ASAP2: variants seen among roughly 807,000 people sequenced by gnomAD.
The protein encoded by ASAP2 is arf-GAP with SH3 domain, ANK repeat and PH domain-containing protein 2.
Under a neutral mutation model 131.4 loss-of-function variants are expected in ASAP2, and 45 were observed. That is an observed-to-expected ratio of 0.34 (90% CI 0.27 to 0.44). The LOEUF (loss-of-function observed/expected upper bound fraction) is 0.44, where lower values mean the gene tolerates loss of function less well. Among genes scored for constraint, ASAP2 ranks in the 20% least tolerant of loss-of-function variants. ASAP2 has a pLI of 1.00. For missense variants in ASAP2, 1,011 were observed against 1,297.0 expected, an observed-to-expected ratio of 0.78 and a Z score of 3.39; for synonymous variants, 510 against 503.0, an observed-to-expected ratio of 1.01 and a Z score of -0.19.
intron 1 of ASAP2, among the ~76,000 whole-genome samples, chr2:9,237,231 C>T (rs1663616330): frequency 6.6e-6 from 1 of 152,058 alleles, no homozygotes; most frequent in South Asian, 2.1e-4. Context: ...TGCTTTCTGA[C>T]TTTTGCTTTT....
intron 4 of ASAP2, among the ~76,000 whole-genome samples, chr2:9,319,489 C>T (rs939965864): frequency 6.6e-6 from 1 of 152,152 alleles, no homozygotes; most frequent in Non-Finnish European, 1.5e-5. Flanking sequence ...AACTCACGGG[C>T]GGGAAGGCAT....
chr2:9,322,793 G>A (rs1057240800), intron 5 of ASAP2, among the ~76,000 whole-genome samples: 3 of 152,142 alleles, frequency 2.0e-5, no homozygotes, highest in African/African-American at 4.8e-5. Flanking sequence ...AGAGTCAGAC[G>A]GTGCCCTTGG....
intron 20 of ASAP2, among the ~76,000 whole-genome samples, chr2:9,383,379 C>T (rs373050910): frequency 1.3e-5 from 2 of 152,084 alleles, no homozygotes; most frequent in Non-Finnish European, 2.9e-5. Context: ...CTCAGCCTCC[C>T]GAGTAGCTGA....
chr2:9,309,247 C>CT (rs1669138945), intron 3 of ASAP2, among the ~76,000 whole-genome samples: 1 of 152,210 alleles, frequency 6.6e-6, no homozygotes, highest in African/African-American at 2.4e-5. Flanking sequence ...AGGTGTCTGG[C>CT]TAGACGGCAG....
At chr2:9,210,992 C>G (rs1187192807) in intron 1 of ASAP2, among the ~76,000 whole-genome samples, 1 of 151,944 alleles carries the variant, frequency 6.6e-6, no homozygotes, top group Non-Finnish European at 1.5e-5. Flanking sequence ...CCTGTCTCTA[C>G]TAAAAATACA....
intron 24 of ASAP2, 35 bp downstream of exon 24, chr2:9,393,682 T>C (rs754538805): frequency 6.5e-7 from 1 of 1,538,620 alleles, no homozygotes; most frequent in South Asian, 1.2e-5. Flanking sequence ...CCATCCGTGC[T>C]CCTGCCCTCT....
chr2:9,251,894 A>C (rs1348117305), intron 1 of ASAP2, among the ~76,000 whole-genome samples: 1 of 152,026 alleles, frequency 6.6e-6, no homozygotes, highest in Non-Finnish European at 1.5e-5. Flanking sequence ...GAGCTTTAGG[A>C]ATGAGAAGCC....
At chr2:9,212,611 C>A (rs1661654797) in intron 1 of ASAP2, among the ~76,000 whole-genome samples, 1 of 152,172 alleles carries the variant, frequency 6.6e-6, no homozygotes, top group South Asian at 2.1e-4. Flanking sequence ...TCTTCCCATG[C>A]ACCCCACGTT....
chr2:9,344,713 C>G lies in ASAP2; in HGVS notation c.954-18C>G. On this transcript the variant is annotated intron_variant, in intron 10 of 27. Transcript: ENST00000281419. ...CAAAATGTCTAAACTCTTATTGTTT[C>G]TCCCACTTATCCACAAGGATCCGAA... 6.2e-7 allele frequency: 1 copy of G among 1,613,952 alleles called. No individual in the cohort carries two copies. The highest frequency in any genetic ancestry group is 8.5e-7 in the Non-Finnish European group (1 of 1,179,808).
At chr2:9,248,283 A>T (rs1425593180) in intron 1 of ASAP2, among the ~76,000 whole-genome samples, 1 of 152,170 alleles carries the variant, frequency 6.6e-6, no homozygotes, top group Non-Finnish European at 1.5e-5. Context: ...AAGCCAAATT[A>T]TATTCAGCAT....
intron 9 of ASAP2, 121 bp downstream of exon 9, chr2:9,335,300 C>T: frequency 1.3e-6 from 1 of 773,282 alleles, no homozygotes; most frequent in Non-Finnish European, 2.2e-6. Context: ...GTGTCAGGCA[C>T]CAGTAAAACA....
intron 16 of ASAP2, among the ~76,000 whole-genome samples, 170 bp downstream of exon 16, chr2:9,368,689 T>G (rs541974255): frequency 6.6e-6 from 1 of 152,286 alleles, no homozygotes; most frequent in East Asian, 1.9e-4. Context: ...GGTGACCAAA[T>G]AGAAATTTTT....
chr2:9,403,183 T>C (rs995255725), intron 27 of ASAP2, 70 bp from the exon 28 acceptor site: 6 of 1,376,762 alleles, frequency 4.4e-6, no homozygotes, highest in East Asian at 2.3e-5. Context: ...AAACGCTCTA[T>C]GTAATGCTCT....
In ASAP2 at chr2:9,385,240, C is replaced by G. The variant is rs755064390; in HGVS notation, c.2017-5C>G. 6.2e-7 allele frequency: 1 copy of G among 1,608,052 alleles called. No individual in the cohort carries two copies. Among genetic ancestry groups the G allele is most frequent in the South Asian group, 1.1e-5 (1 of 90,912 alleles). On this transcript the variant is annotated splice_region_variant and splice_polypyrimidine_tract_variant and intron_variant, in intron 20 of 27. Transcript: ENST00000281419. ...ACAGCACTGACCATCCCTCTGTTCT[C>G]TCAGCTGACCCAAGCCTTATCTGGA...
chr2:9,351,622 C>T (rs772299268), intron 12 of ASAP2, among the ~76,000 whole-genome samples: 2 of 152,196 alleles, frequency 1.3e-5, no homozygotes, highest in Non-Finnish European at 2.9e-5. Context: ...CAGAGGACCA[C>T]GCCGGACTGT....
At chr2:9,335,687 C>T (rs938891933) in intron 9 of ASAP2, among the ~76,000 whole-genome samples, 1 of 152,210 alleles carries the variant, frequency 6.6e-6, no homozygotes, top group South Asian at 2.1e-4. Context: ...TCTTACTTCC[C>T]CTCTTTCTGT....
chr2:9,291,389 G>A (rs1300914050), intron 2 of ASAP2, among the ~76,000 whole-genome samples: 1 of 152,192 alleles, frequency 6.6e-6, no homozygotes, highest in East Asian at 1.9e-4. Context: ...TAGAGACCCT[G>A]TTAAGAAACA....
At chr2:9,312,412 C>T (rs1187842055) in intron 3 of ASAP2, among the ~76,000 whole-genome samples, 1 of 152,160 alleles carries the variant, frequency 6.6e-6, no homozygotes, top group African/African-American at 2.4e-5. Flanking sequence ...TGGCAGGGCC[C>T]ACACCAGCAC....
chr2:9,306,406 C>G (rs980611634), intron 3 of ASAP2, among the ~76,000 whole-genome samples: 1 of 151,744 alleles, frequency 6.6e-6, no homozygotes, highest in Non-Finnish European at 1.5e-5. Context: ...AGGGACGTTT[C>G]CCAGACTTTC....
Sources: allele counts gnomAD v4.1 joint callset (sites outside exome capture counted in the v4.1 genomes callset), GRCh38; gene constraint gnomAD v4.1.1; transcripts MANE v1.5; gene names NCBI Gene and HGNC (gene_info 2026-07-23, HGNC 2026-07-21).